PCYOX1: variants seen among roughly 807,000 people sequenced by gnomAD.
PCYOX1 encodes prenylcysteine oxidase 1.
PCYOX1 carries 46 observed loss-of-function variants against 46.4 expected under a neutral mutation model. The observed-to-expected ratio is 0.99, with a 90% confidence interval of 0.78 to 1.27. The LOEUF is 1.27. PCYOX1 is among the 50% of genes most tolerant of loss of function. PCYOX1 has a pLI of 0.00. For missense variants in PCYOX1, 658 were observed against 628.3 expected (o/e 1.05, Z -0.51); for synonymous variants, 220 against 231.8 (o/e 0.95, Z 0.46).
chr2:70,265,477 C>T (rs1361503923), intron 3 of PCYOX1, among the ~76,000 whole-genome samples: 1 of 152,100 alleles, frequency 6.6e-6, no homozygotes, highest in Non-Finnish European at 1.5e-5. Flanking sequence ...AGGCGTGAGC[C>T]ACCGCGCTCA....
intron 3 of PCYOX1, among the ~76,000 whole-genome samples, chr2:70,266,727 A>G (rs1414444427): frequency 6.6e-6 from 1 of 152,042 alleles, no homozygotes. Context: ...ACCGCCCTTA[A>G]TCCATTTAAC....
At chr2:70,266,045 T>A (rs960190624) in intron 3 of PCYOX1, among the ~76,000 whole-genome samples, 1 of 152,188 alleles carries the variant, frequency 6.6e-6, no homozygotes, top group Non-Finnish European at 1.5e-5. Flanking sequence ...TAGAGTAGCC[T>A]CCTATTATAG....
At chr2:70,259,318 G>T in intron 1 of PCYOX1, 42 bp from the exon 2 acceptor site, 3 of 1,558,118 alleles carry the variant, frequency 1.9e-6, no homozygotes, top group Non-Finnish European at 2.7e-6. Context: ...CACAGAGCTG[G>T]TAAAAGGGGA....
At chr2:70,276,625 C>T in intron 5 of PCYOX1, 109 bp from the exon 6 acceptor site, 1 of 686,086 alleles carries the variant, frequency 1.5e-6, no homozygotes, top group Non-Finnish European at 2.4e-6. Context: ...AGGGATATAA[C>T]TTCTTCAATT....
chr2:70,265,288 GA>G (rs1696498225), intron 3 of PCYOX1, among the ~76,000 whole-genome samples: 2 of 138,102 alleles, frequency 1.4e-5, no homozygotes, highest in Non-Finnish European at 3.0e-5. Flanking sequence ...CTGCAGCTTT[GA>G]CCTCCTGGTC....
At chr2:70,265,554 A>G (rs2104892413) in intron 3 of PCYOX1, among the ~76,000 whole-genome samples, 1 of 152,218 alleles carries the variant, frequency 6.6e-6, no homozygotes, top group East Asian at 1.9e-4. Flanking sequence ...GCATTTCCTT[A>G]ATGCTTCAAT....
chr2:70,272,895 A>C (rs2104898262), intron 3 of PCYOX1, among the ~76,000 whole-genome samples: 2 of 151,718 alleles, frequency 1.3e-5, no homozygotes, highest in East Asian at 3.9e-4. Flanking sequence ...ATGGGGTTTC[A>C]CCATGTTGGC....
chr2:70,266,992 C>G (rs12740318), intron 3 of PCYOX1, among the ~76,000 whole-genome samples: 3 of 152,142 alleles, frequency 2.0e-5, no homozygotes, highest in Admixed American at 2.0e-4. Flanking sequence ...ACCTCCCAGA[C>G]GGGGTGGCGG....
At chr2:70,261,457 G>A (rs762170274) in intron 3 of PCYOX1, 71 bp downstream of exon 3, 8 of 1,070,984 alleles carry the variant, frequency 7.5e-6, no homozygotes, top group Non-Finnish European at 1.1e-5. Context: ...TGAACTTTAG[G>A]AATTATGATT....
Position 70,261,366 on chromosome 2 carries a change from C to T in PCYOX1, c.474C>T (p.Asp158=), listed in dbSNP as rs758627146. 6.8e-6 allele frequency: 11 copies of T among 1,610,876 alleles called. 1 individual carries two copies. The highest frequency in any genetic ancestry group is 1.3e-5 in the African/African-American group (1 of 74,824). ...QSLRMHMWVE[D]VLDKFMRIYR... is the part of the protein sequence containing the mutation. ...TCCGTATGCACATGTGGGTAGAGGACGTGTTAGACAAGTTCATGAGGTAAT... is the reference window on the plus strand; with the variant it reads ...TCCGTATGCACATGTGGGTAGAGGATGTGTTAGACAAGTTCATGAGGTAAT... The change falls in exon 3 of 6, where the codon GAC becomes GAT. Residue 158 remains aspartate, a synonymous_variant. Transcript: ENST00000433351.
chr2:70,271,155 C>A (rs1415642549), intron 3 of PCYOX1, among the ~76,000 whole-genome samples: 2 of 151,936 alleles, frequency 1.3e-5, no homozygotes, highest in Non-Finnish European at 2.9e-5. Context: ...GCAGCCTCAA[C>A]CAGCGGGGCT....
chr2:70,268,313 A>G (rs1298275573), intron 3 of PCYOX1, among the ~76,000 whole-genome samples: 1 of 152,154 alleles, frequency 6.6e-6, no homozygotes, highest in African/African-American at 2.4e-5. Flanking sequence ...TATTTCATTA[A>G]TAGAGATTTA....
rs72904344 is a variant in PCYOX1 at position 70,275,615 on chromosome 2, A to T, written c.808A>T (p.Ile270Leu). Reference protein sequence around the residue: ...GLLQASKSNLISGSVMYIEEK... With the variant: ...GLLQASKSNLLSGSVMYIEEK... ...TCTGCAGGCATCCAAAAGCAATCTT[A>T]TATCTGGCTCAGTAATGTACATCGA... The change falls in exon 5 of 6, where the codon ATA (isoleucine) becomes TTA (leucine). Residue 270 changes from isoleucine (I) to leucine (L), a missense_variant. By Grantham distance (5) the Ile-to-Leu change is conservative. Transcript: ENST00000433351. The T allele has an allele frequency of 5.6e-6, 9 of 1,614,146 alleles. No homozygotes were observed. In the South Asian group the frequency reaches 8.8e-5, roughly 16 times the overall value.
chr2:70,269,841 G>C (rs184448660), intron 3 of PCYOX1, among the ~76,000 whole-genome samples: 1 of 152,310 alleles, frequency 6.6e-6, no homozygotes, highest in East Asian at 1.9e-4. Flanking sequence ...GGAGCTGCCA[G>C]ATAGGTCAAA....
intron 3 of PCYOX1, among the ~76,000 whole-genome samples, chr2:70,264,096 G>A (rs1696477809): frequency 6.6e-6 from 1 of 151,282 alleles, no homozygotes; most frequent in South Asian, 2.1e-4. Flanking sequence ...TGTGTAGCTG[G>A]GACTACAGGC....
chr2:70,261,132 C>T, intron 2 of PCYOX1, 80 bp from the exon 3 acceptor site: 1 of 845,928 alleles, frequency 1.2e-6, no homozygotes, highest in African/African-American at 1.7e-5. Context: ...CTGAGGGAAG[C>T]CCCAAATTCA....
At chr2:70,262,257 TTG>T (rs1223272555) in intron 3 of PCYOX1, among the ~76,000 whole-genome samples, 1 of 150,346 alleles carries the variant, frequency 6.7e-6, no homozygotes, top group South Asian at 2.1e-4. Flanking sequence ...CCTCTGCCTC[TTG>T]GGTTCAAGCG....
At position 70,276,942 on chromosome 2, in the gene PCYOX1, C is replaced by G. The variant is rs1293863841; in HGVS notation, c.1068C>G (p.Ile356Met). 6.2e-7 allele frequency: 1 copy of G among 1,611,838 alleles called. No homozygotes were observed. The highest frequency in any genetic ancestry group is 8.5e-7 in the Non-Finnish European group (1 of 1,177,958). ...TTAAGGGGGAATTGAATACATCTAT[C>G]TTTAGCTCTAGACCCATAGATAAAT... ...TLVKGELNTS[I>M]FSSRPIDKFG... The change falls in exon 6 of 6, where the codon ATC becomes ATG. Residue 356 changes from isoleucine (I) to methionine (M), a missense_variant. Physicochemically the swap from Ile to Met is conservative, Grantham distance 10 (BLOSUM62 1). Transcript: ENST00000433351.
upstream of PCYOX1, chr2:70,257,991 G>A (rs1696366689): frequency 1.3e-5 from 6 of 477,472 alleles, no homozygotes; most frequent in Admixed American, 1.8e-4. Flanking sequence ...AGAGTGGGGA[G>A]CTCCTGCAGG....
Sources: gnomAD v4.1 joint callset for allele counts (sites outside exome capture counted in the v4.1 genomes callset) on GRCh38, gnomAD v4.1.1 for gene constraint, MANE v1.5 for transcripts, NCBI Gene and HGNC (gene_info 2026-07-23, HGNC 2026-07-21) for gene names.